CEP112: variants seen among roughly 807,000 people sequenced by gnomAD.
CEP112 encodes centrosomal protein 112.
Under a neutral mutation model 153.0 loss-of-function variants are expected in CEP112, and 127 were observed. That is an observed-to-expected ratio of 0.83 (90% CI 0.72 to 0.96). The LOEUF (loss-of-function observed/expected upper bound fraction) is 0.96, where lower values mean the gene tolerates loss of function less well. Among genes scored for constraint, CEP112 ranks in the 40% least tolerant of loss-of-function variants. The probability of loss-of-function intolerance (pLI) is 0.00; values close to 1 mark genes in which losing one functional copy is unlikely to be tolerated. For synonymous variants in CEP112, 358 were observed against 374.4 expected, an observed-to-expected ratio of 0.96 and a Z score of 0.51; for missense variants, 1,089 against 1,101.2, an observed-to-expected ratio of 0.99 and a Z score of 0.16.
intron 21 of CEP112, among the ~76,000 whole-genome samples, chr17:65,801,606 G>C (rs541156822): frequency 1.3e-5 from 2 of 152,250 alleles, no homozygotes; most frequent in African/African-American, 4.8e-5. Context: ...GTGTTTATCT[G>C]AGAATATTCT....
intron 23 of CEP112, among the ~76,000 whole-genome samples, chr17:65,741,392 T>A (rs2051126587): frequency 6.6e-6 from 1 of 152,034 alleles, no homozygotes; most frequent in African/African-American, 2.4e-5. Flanking sequence ...AGTGAGTGAA[T>A]CAAAACTTAG....
At chr17:65,772,968 T>G (rs1009688331) in intron 21 of CEP112, among the ~76,000 whole-genome samples, 1 of 152,236 alleles carries the variant, frequency 6.6e-6, no homozygotes, top group African/African-American at 2.4e-5. Flanking sequence ...TCTCTTGATC[T>G]ATTGACACAT....
At position 65,989,833 on chromosome 17, in the gene CEP112, C is replaced by T. The variant is rs148996252; in HGVS notation, c.1736+15857G>A. 4.5e-3 allele frequency among the ~76,000 whole-genome samples: 685 copies of T among 152,112 alleles called. 6 individuals are homozygous for T. The highest frequency in any genetic ancestry group is 0.016 in the African/African-American group (654 of 41,496). On this transcript the variant is annotated intron_variant, in intron 17 of 26. Transcript: ENST00000535342. ...CTACAGGAACCTGTTAAGAGACGGGCAATATAAAGATGTGTAATTGAGACA... is the reference window on the plus strand; with the variant it reads ...CTACAGGAACCTGTTAAGAGACGGGTAATATAAAGATGTGTAATTGAGACA...
intron 24 of CEP112, among the ~76,000 whole-genome samples, chr17:65,653,571 CA>C (rs558568492): frequency 8.6e-4 from 131 of 152,060 alleles, no homozygotes; most frequent in African/African-American, 3.1e-3. Flanking sequence ...AAGAGTGCAG[CA>C]AAAAGACACA....
chr17:65,894,082 G>A (rs997736097), intron 20 of CEP112, among the ~76,000 whole-genome samples: 1 of 152,064 alleles, frequency 6.6e-6, no homozygotes, highest in African/African-American at 2.4e-5. Context: ...AGGAAGAAGA[G>A]TTATTCATCC....
intron 21 of CEP112, chr17:65,826,014 T>A (rs1485006477): frequency 2.2e-6 from 2 of 919,382 alleles, no homozygotes; most frequent in African/African-American, 3.3e-5. Flanking sequence ...TGTTCCATCA[T>A]CCCTGCCCTA....
intron 1 of CEP112, among the ~76,000 whole-genome samples, chr17:66,185,204 C>A (rs1227319393): frequency 6.6e-6 from 1 of 151,952 alleles, no homozygotes. Flanking sequence ...AAAAAAAGTG[C>A]ATTTGCTGTA....
chr17:65,950,244 TCTTA>T (rs1215197460), intron 18 of CEP112, among the ~76,000 whole-genome samples: 2 of 152,178 alleles, frequency 1.3e-5, no homozygotes, highest in Non-Finnish European at 2.9e-5. Context: ...AATAAAGATT[TCTTA>T]CTGTCAATTT....
chr17:65,791,798 A>G (rs2054605700), intron 21 of CEP112, among the ~76,000 whole-genome samples: 1 of 152,222 alleles, frequency 6.6e-6, no homozygotes, highest in Admixed American at 6.5e-5. Flanking sequence ...GCATCGCTAC[A>G]AGAATATTTA....
intron 24 of CEP112, chr17:65,655,485 A>C: frequency 1.5e-5 from 11 of 725,374 alleles, no homozygotes; most frequent in Non-Finnish European, 2.3e-5. Context: ...TTAGCAGCTC[A>C]CAGAATAATA....
At chr17:65,838,864 T>C (rs1175312235) in intron 21 of CEP112, among the ~76,000 whole-genome samples, 3 of 152,002 alleles carry the variant, frequency 2.0e-5, no homozygotes, top group Non-Finnish European at 2.9e-5. Flanking sequence ...GAGTCTATTA[T>C]AAACATCTAC....
intron 6 of CEP112, among the ~76,000 whole-genome samples, chr17:66,121,762 C>T (rs1418895200): frequency 6.6e-6 from 1 of 151,104 alleles, no homozygotes; most frequent in African/African-American, 2.4e-5. Context: ...AGTACAGTGG[C>T]TATGCCTCCT....
chr17:66,050,898 G>A (rs1452341588), intron 12 of CEP112, among the ~76,000 whole-genome samples: 2 of 152,154 alleles, frequency 1.3e-5, no homozygotes, highest in East Asian at 3.8e-4. Flanking sequence ...TTGTCCATCA[G>A]GGCTTACACC....
intron 6 of CEP112, among the ~76,000 whole-genome samples, chr17:66,117,087 G>A (rs770759887): frequency 2.0e-5 from 3 of 151,570 alleles, no homozygotes; most frequent in East Asian, 3.9e-4. Flanking sequence ...GTAGAGACGG[G>A]GTTTCACCAT....
intron 20 of CEP112, among the ~76,000 whole-genome samples, chr17:65,860,553 A>G (rs1390593196): frequency 1.3e-5 from 2 of 152,230 alleles, no homozygotes; most frequent in African/African-American, 4.8e-5. Context: ...AGAGAACAGA[A>G]AAAAATTGAC....
At chr17:65,826,234 C>T in intron 21 of CEP112, 1 of 1,614,188 alleles carries the variant, frequency 6.2e-7, no homozygotes, top group South Asian at 1.1e-5. Context: ...CTTCTCTCAT[C>T]TCTATCAGTC....
At chr17:65,796,835 G>A (rs1197743211) in intron 21 of CEP112, among the ~76,000 whole-genome samples, 1 of 134,398 alleles carries the variant, frequency 7.4e-6, no homozygotes, top group Non-Finnish European at 1.5e-5. Flanking sequence ...GAGTTCAAGA[G>A]CAGCCTTGGC....
chr17:66,097,532 AC>A (rs1243891223), intron 6 of CEP112, among the ~76,000 whole-genome samples: 2 of 152,148 alleles, frequency 1.3e-5, no homozygotes, highest in Non-Finnish European at 2.9e-5. Flanking sequence ...GAAAGGAGTA[AC>A]CTGTACCTGA....
At position 65,900,147 on chromosome 17, in the gene CEP112, T is replaced by G. The variant is rs201347170; in HGVS notation, c.2163+2005A>C. ...GTACACATGATAAGATTTTTTAAAG[T>G]ACAGCTCATTGCTAAAACTTTAAAA... On this transcript the variant is annotated intron_variant, in intron 20 of 26. Transcript: ENST00000535342. 3.9e-5 allele frequency among the ~76,000 whole-genome samples: 6 copies of G among 152,274 alleles called. No homozygotes were observed. The East Asian group carries it at 1.2e-3, about 29-fold the overall frequency.
Sources: gnomAD v4.1 joint callset for allele counts (sites outside exome capture counted in the v4.1 genomes callset) on GRCh38, gnomAD v4.1.1 for gene constraint, MANE v1.5 for transcripts, NCBI Gene and HGNC (gene_info 2026-07-23, HGNC 2026-07-21) for gene names.